AFF3: variants seen among roughly 807,000 people sequenced by gnomAD.
AFF3 encodes the protein AF4/FMR2 family member 3.
A neutral mutation model predicts 129.7 loss-of-function variants in AFF3; 32 were observed. That is an observed-to-expected ratio of 0.25 (90% CI 0.19 to 0.33). The LOEUF (loss-of-function observed/expected upper bound fraction) is 0.33, where lower values mean the gene tolerates loss of function less well. Among genes scored for constraint, AFF3 ranks in the 10% least tolerant of loss-of-function variants. The pLI is 1.00. For synonymous variants in AFF3, 644 were observed against 635.4 expected (o/e 1.01, Z -0.20); for missense variants, 1,373 against 1,592.0 (o/e 0.86, Z 2.34).
chr2:99,834,427 G>A (rs889665102), intron 8 of AFF3, among the ~76,000 whole-genome samples: 2 of 152,158 alleles, frequency 1.3e-5, no homozygotes, highest in Non-Finnish European at 2.9e-5. Flanking sequence ...CTCAGTCAAC[G>A]TCAGCTCTTC....
At chr2:99,852,153 T>C (rs1690193580) in intron 7 of AFF3, among the ~76,000 whole-genome samples, 2 of 152,136 alleles carry the variant, frequency 1.3e-5, no homozygotes, top group Admixed American at 1.3e-4. Context: ...TTGGGGGGCT[T>C]ATTTTTCATG....
At chr2:99,787,105 C>T (rs964434996) in intron 8 of AFF3, among the ~76,000 whole-genome samples, 2 of 151,994 alleles carry the variant, frequency 1.3e-5, no homozygotes, top group African/African-American at 2.4e-5. Context: ...TATAAAAGAG[C>T]AGTAATTCAG....
intron 8 of AFF3, among the ~76,000 whole-genome samples, chr2:99,788,033 G>A (rs62150116): frequency 0.029 from 4,357 of 152,284 alleles, 79 homozygotes; most frequent in Non-Finnish European, 0.04. Context: ...CCATTGTAAT[G>A]TCACAGTGTA....
chr2:100,053,780 C>G (rs1318287282), intron 4 of AFF3, among the ~76,000 whole-genome samples: 1 of 152,194 alleles, frequency 6.6e-6, no homozygotes, highest in Non-Finnish European at 1.5e-5. Flanking sequence ...CCTGACATCC[C>G]TCTTCCTCAT....
intron 8 of AFF3, among the ~76,000 whole-genome samples, chr2:99,783,310 C>A (rs962563673): frequency 1.2e-4 from 18 of 152,208 alleles, no homozygotes; most frequent in Admixed American, 6.5e-5. Context: ...CTGTTGCACA[C>A]CACCTCCTCT....
intron 8 of AFF3, among the ~76,000 whole-genome samples, chr2:99,786,697 C>T (rs1412303949): frequency 6.6e-6 from 1 of 151,976 alleles, no homozygotes; most frequent in Non-Finnish European, 1.5e-5. Flanking sequence ...AAAAAATAAA[C>T]TATAACTTCA....
At chr2:100,029,741 G>A (rs1383851628) in intron 4 of AFF3, among the ~76,000 whole-genome samples, 1 of 152,208 alleles carries the variant, frequency 6.6e-6, no homozygotes, top group African/African-American at 2.4e-5. Flanking sequence ...ACAACAATAT[G>A]AATGTGCTTA....
At chr2:99,781,857 T>C (rs1249385450) in intron 8 of AFF3, among the ~76,000 whole-genome samples, 1 of 152,120 alleles carries the variant, frequency 6.6e-6, no homozygotes, top group African/African-American at 2.4e-5. Context: ...AGCAAAATAT[T>C]AGAAAGAGTG....
chr2:99,596,877 T>C (rs879773188), intron 14 of AFF3, among the ~76,000 whole-genome samples: 13 of 152,176 alleles, frequency 8.5e-5, no homozygotes, highest in Admixed American at 3.3e-4. Flanking sequence ...TTTCAACACA[T>C]CACTAAATCA....
chr2:100,106,395 G>A, intron 2 of AFF3: 1 of 1,078,506 alleles, frequency 9.3e-7, no homozygotes, highest in African/African-American at 1.7e-5. Context: ...GGTGTGAAGG[G>A]CTGGCTGCCC....
At chr2:99,802,949 T>C (rs1686064044) in intron 8 of AFF3, among the ~76,000 whole-genome samples, 1 of 152,132 alleles carries the variant, frequency 6.6e-6, no homozygotes, top group South Asian at 2.1e-4. Flanking sequence ...TGCCCTTTAG[T>C]TCCTTCTCTT....
intron 7 of AFF3, among the ~76,000 whole-genome samples, chr2:99,874,037 C>T (rs183129279): frequency 2.6e-5 from 4 of 152,078 alleles, no homozygotes; most frequent in East Asian, 1.9e-4. Context: ...ATTAGCCGGG[C>T]GTGGTGGTGG....
chr2:99,648,917 A>ACACACACACACACTCT, intron 13 of AFF3, among the ~76,000 whole-genome samples: 83 of 46,922 alleles, frequency 1.8e-3, no homozygotes, highest in African/African-American at 4.1e-3. Context: ...ACACACACAC[A>ACACACACACACACTCT]CTCTCTCTCT....
At chr2:99,700,977 A>G (rs1490040577) in intron 11 of AFF3, among the ~76,000 whole-genome samples, 1 of 152,186 alleles carries the variant, frequency 6.6e-6, no homozygotes, top group Non-Finnish European at 1.5e-5. Flanking sequence ...CACACTTCGT[A>G]AATTCCCGGG....
At chr2:100,062,098 G>A (rs377530872) in intron 4 of AFF3, among the ~76,000 whole-genome samples, 67 of 152,338 alleles carry the variant, frequency 4.4e-4, no homozygotes, top group African/African-American at 1.6e-3. Flanking sequence ...TGGGGATGTC[G>A]ACCAAGGTCA....
intron 2 of AFF3, among the ~76,000 whole-genome samples, chr2:100,115,393 G>A (rs1691698347): frequency 1.3e-5 from 2 of 151,880 alleles, no homozygotes; most frequent in Admixed American, 6.6e-5. Flanking sequence ...ACTAAAAATA[G>A]AAAAAATAGC....
intron 7 of AFF3, among the ~76,000 whole-genome samples, chr2:99,865,827 A>G (rs1334346874): frequency 6.6e-6 from 1 of 152,212 alleles, no homozygotes; most frequent in African/African-American, 2.4e-5. Flanking sequence ...CAAGGACATA[A>G]AGGCTTACAT....
intron 22 of AFF3, among the ~76,000 whole-genome samples, chr2:99,555,580 G>A (rs1400461439): frequency 6.6e-6 from 1 of 152,240 alleles, no homozygotes; most frequent in Admixed American, 6.5e-5. Context: ...TCTAGTTAGG[G>A]AAGTTGCTCA....
intron 7 of AFF3, among the ~76,000 whole-genome samples, chr2:99,947,607 GATAGATA>G: frequency 1.8e-5 from 1 of 56,860 alleles, no homozygotes; most frequent in Non-Finnish European, 3.7e-5. Flanking sequence ...AAGAAAGATA[GATAGATA>G]GATAGATAGA....
Sources: allele counts gnomAD v4.1 joint callset (sites outside exome capture counted in the v4.1 genomes callset), GRCh38; gene constraint gnomAD v4.1.1; transcripts MANE v1.5; gene names NCBI Gene and HGNC (gene_info 2026-07-23, HGNC 2026-07-21).